CRACDL: variants seen among roughly 807,000 people sequenced by gnomAD.
The protein encoded by CRACDL is CRACD-like protein.
In CRACDL, 26 loss-of-function variants were observed where a neutral mutation model predicts 70.6. That is an observed-to-expected ratio of 0.37 (90% CI 0.27 to 0.51). The LOEUF (loss-of-function observed/expected upper bound fraction) is 0.51, where lower values mean the gene tolerates loss of function less well. CRACDL is among the 20% of genes least tolerant of loss of function. CRACDL has a pLI of 0.94. For missense variants in CRACDL, 1,283 were observed against 1,376.9 expected (o/e 0.93, Z 1.08); for synonymous variants, 618 against 615.2 (o/e 1.00, Z -0.07).
chr2:98,926,348 GT>G (rs149912238), intron 1 of CRACDL, among the ~76,000 whole-genome samples: 5,770 of 152,270 alleles, frequency 0.038, 362 homozygotes, highest in African/African-American at 0.13. Context: ...GGGGAAGGCT[GT>G]CCACTCCACC....
At position 98,797,431 on chromosome 2, in the gene CRACDL, T is replaced by C. The variant is rs748225561; in HGVS notation, c.2523A>G (p.Pro841=). ...CCCCAGGCTTGTCTTCCTGGTTGGG[T>C]GGCTGGTCCAAGGTCCCCCTCCGCT... The part of the protein sequence containing the change: ...RQKRRGTLDQ[P]PNQEDKPGAR... The change falls in exon 8 of 10, where the codon CCA becomes CCG. Residue 841 remains proline, a synonymous_variant. Transcript: ENST00000397899. The C allele has an allele frequency of 2.5e-5, 40 of 1,614,202 alleles. No homozygotes were observed. The highest frequency in any genetic ancestry group is 3.4e-5 in the Non-Finnish European group (40 of 1,180,040).
intron 1 of CRACDL, among the ~76,000 whole-genome samples, chr2:98,852,425 T>C: frequency 6.6e-6 from 1 of 152,106 alleles, no homozygotes. Context: ...ATTTACAATG[T>C]CTACCATATA....
intron 1 of CRACDL, among the ~76,000 whole-genome samples, chr2:98,860,517 A>G (rs1170225099): frequency 2.6e-5 from 4 of 152,206 alleles, no homozygotes; most frequent in African/African-American, 9.7e-5. Flanking sequence ...AAGACAACTC[A>G]ATGGAGGGAT....
chr2:98,927,055 A>C (rs1312349384), intron 1 of CRACDL, among the ~76,000 whole-genome samples: 1 of 152,226 alleles, frequency 6.6e-6, no homozygotes, highest in East Asian at 1.9e-4. Context: ...TCTGAAAGTC[A>C]GGCTGGGAAG....
intron 1 of CRACDL, among the ~76,000 whole-genome samples, chr2:98,914,691 A>T (rs1228185364): frequency 1.3e-5 from 2 of 152,144 alleles, no homozygotes; most frequent in Non-Finnish European, 2.9e-5. Context: ...CGCTGGCCCC[A>T]CAACTGGGGC....
At chr2:98,841,467 C>T (rs1432314212) in intron 2 of CRACDL, among the ~76,000 whole-genome samples, 1 of 152,080 alleles carries the variant, frequency 6.6e-6, no homozygotes, top group Non-Finnish European at 1.5e-5. Flanking sequence ...CCTTCGAATA[C>T]TTTAATTCCA....
At chr2:98,857,416 C>T (rs1706748378) in intron 1 of CRACDL, among the ~76,000 whole-genome samples, 1 of 151,896 alleles carries the variant, frequency 6.6e-6, no homozygotes, top group Non-Finnish European at 1.5e-5. Context: ...AATAGTACAA[C>T]AAATAGAGCA....
At chr2:98,863,076 G>T (rs1028557786) in intron 1 of CRACDL, among the ~76,000 whole-genome samples, 4 of 152,004 alleles carry the variant, frequency 2.6e-5, no homozygotes, top group African/African-American at 9.7e-5. Context: ...CAAGTAGGAT[G>T]AACTTAAGCC....
intron 1 of CRACDL, among the ~76,000 whole-genome samples, chr2:98,860,648 G>T (rs1373945589): frequency 2.0e-5 from 3 of 152,164 alleles, no homozygotes; most frequent in African/African-American, 7.2e-5. Context: ...GATCTAAATT[G>T]TAAGTGCTAA....
intron 5 of CRACDL, among the ~76,000 whole-genome samples, chr2:98,831,100 A>T (rs1705522975): frequency 6.6e-6 from 1 of 152,216 alleles, no homozygotes; most frequent in Non-Finnish European, 1.5e-5. Context: ...AGGCCACCCC[A>T]TCCTCCTCAT....
intron 6 of CRACDL, among the ~76,000 whole-genome samples, chr2:98,826,642 G>T (rs1705313424): frequency 6.6e-6 from 1 of 152,142 alleles, no homozygotes. Flanking sequence ...TAAGAAGCCT[G>T]GGGGGTAGGC....
At position 98,822,347 on chromosome 2, in the gene CRACDL, G is replaced by A; in HGVS notation, c.1926C>T (p.Asp642=). 1 of 1,460,248 alleles carries A rather than the reference G, an allele frequency of 6.8e-7. No homozygotes were observed. Among genetic ancestry groups the A allele is most frequent in the East Asian group, 2.8e-5 (1 of 35,780 alleles). The allele number at this position is 1,460,248 out of a possible 1,614,324, so 90.5% of individuals were successfully genotyped here. The change falls in exon 7 of 10, where the codon GAC becomes GAT. Residue 642 remains aspartate (D), a synonymous_variant. Transcript: ENST00000397899. This position sits in a 1 kb window ranked among gnomAD's most constrained non-coding sequence, Gnocchi z 4.9. Reference sequence around the variant, plus strand: ...GCGGCCCGGCCGGGCTGGCCGCCCTGTCCCCCGAGTCCTGAGGGCCGCGCT... The same window carrying A: ...GCGGCCCGGCCGGGCTGGCCGCCCTATCCCCCGAGTCCTGAGGGCCGCGCT... ...LAERGPQDSG[D]RAASPAGPRK...
intron 7 of CRACDL, among the ~76,000 whole-genome samples, chr2:98,808,872 G>A (rs1380215372): frequency 3.3e-5 from 5 of 152,220 alleles, no homozygotes; most frequent in Non-Finnish European, 1.5e-5. Flanking sequence ...TGGCACCAGT[G>A]CAGCTGCAGG....
intron 3 of CRACDL, among the ~76,000 whole-genome samples, chr2:98,835,781 T>C (rs576179108): frequency 3.7e-4 from 57 of 152,238 alleles, no homozygotes; most frequent in African/African-American, 1.3e-3. Context: ...ATCAAAGAAT[T>C]TCAGTTAGCA....
intron 8 of CRACDL, among the ~76,000 whole-genome samples, chr2:98,796,718 A>G (rs555126390): frequency 2.0e-5 from 3 of 152,334 alleles, no homozygotes; most frequent in Admixed American, 2.0e-4. Flanking sequence ...ATGCAGGCTC[A>G]GGCTCTCTTC....
chr2:98,868,958 C>T (rs4851165), intron 1 of CRACDL: 51,966 of 434,042 alleles, frequency 0.12, 4,690 homozygotes, highest in Admixed American at 0.31. Context: ...AGGTAACAGA[C>T]GCTGCAGATT....
Position 98,838,023 on chromosome 2 carries a change from A to G in CRACDL, c.239+96T>C. 2.8e-6 allele frequency: 3 copies of G among 1,073,830 alleles called. No homozygotes were observed. The South Asian group carries it at 5.2e-5, about 19-fold the overall frequency. 66.5% of individuals were successfully genotyped at this position (1,073,830 alleles called of 1,614,324 possible). The stretch of plus-strand genomic sequence containing the variant: ...GGAAGAACCTCTAATGGAATTACCC[A>G]GGAGGAAAGGGGGCTCAGAAATCCA... On this transcript the variant is annotated intron_variant, in intron 3 of 9. Transcript: ENST00000397899.
chr2:98,927,888 A>AGGTAGCTCATGGCCAGGTGC (rs1421347506), intron 1 of CRACDL, among the ~76,000 whole-genome samples: 1 of 152,144 alleles, frequency 6.6e-6, no homozygotes, highest in African/African-American at 2.4e-5. Flanking sequence ...CATTTTGAAA[A>AGGTAGCTCATGGCCAGGTGC]GGTAGCTCAT....
intron 1 of CRACDL, among the ~76,000 whole-genome samples, chr2:98,916,795 G>A (rs576548740): frequency 8.5e-5 from 13 of 152,220 alleles, no homozygotes; most frequent in South Asian, 2.1e-4. Context: ...GGAGAGGAGC[G>A]AGTCCCTGAG....
Sources: gnomAD v4.1 joint callset for allele counts (sites outside exome capture counted in the v4.1 genomes callset) on GRCh38, gnomAD v4.1.1 for gene constraint, Gnocchi (gnomAD v3.1) non-coding constraint, MANE v1.5 for transcripts, NCBI Gene and HGNC (gene_info 2026-07-23, HGNC 2026-07-21) for gene names.